Variants in TMPPE observed in about 807,000 individuals in gnomAD.
TMPPE encodes the protein transmembrane protein with metallophosphoesterase domain.
Under a neutral mutation model 22.6 loss-of-function variants are expected in TMPPE, and 16 were observed. The ratio of observed to expected loss-of-function variants is 0.71; its 90% confidence interval spans 0.48 to 1.08. The LOEUF (loss-of-function observed/expected upper bound fraction) is 1.08, where lower values mean the gene tolerates loss of function less well. TMPPE is among the 50% of genes least tolerant of loss of function. The probability of loss-of-function intolerance (pLI) is 0.00; values close to 1 mark genes in which losing one functional copy is unlikely to be tolerated. For synonymous variants in TMPPE, 240 were observed against 245.3 expected, an observed-to-expected ratio of 0.98 and a Z score of 0.20; for missense variants, 526 against 584.3, an observed-to-expected ratio of 0.90 and a Z score of 1.03.
In TMPPE at chr3:33,093,502, T is replaced by A; in HGVS notation, c.694A>T (p.Met232Leu). Residue 232 changes from methionine (M) to leucine (L), a missense_variant, in exon 2 of 2, where the codon ATG becomes TTG. Coordinates refer to ENST00000342462, the MANE Select transcript of TMPPE (RefSeq NM_001039770.3). This position sits in a 1 kb window ranked among gnomAD's most constrained non-coding sequence, Gnocchi z 6.0. Reference protein sequence around the residue: ...GRTKMEMFVRMVNVLEPDITV... With the variant: ...GRTKMEMFVRLVNVLEPDITV... ...ATGTCTGGTTCCAGCACATTCACCA[T>A]CCTCACAAACATTTCCATCTTGGTC... 6.2e-7 allele frequency: 1 copy of A among 1,614,186 alleles called. No individual in the cohort carries two copies. The highest frequency in any genetic ancestry group is 1.1e-5 in the South Asian group (1 of 91,082).
In TMPPE at chr3:33,091,826, C is replaced by G; in HGVS notation, c.*1008G>C. 1 of 985,440 alleles carries G rather than the reference C, an allele frequency of 1.0e-6. No homozygotes were observed. Among genetic ancestry groups the G allele is most frequent in the Non-Finnish European group, 1.2e-6 (1 of 829,998 alleles). 61.0% of individuals were successfully genotyped at this position (985,440 alleles called of 1,614,324 possible). ...TCACCCAGCAGGAAACCAGCCCAGC[C>G]CTGTCTTCTCAGTGAGGCCTTTTCT... On this transcript the variant is annotated 3_prime_UTR_variant, in exon 2 of 2. Transcript: ENST00000342462.
In TMPPE at chr3:33,094,100, T is replaced by C. The variant is rs61749982; in HGVS notation, c.96A>G (p.Ala32=). Residue 32 remains alanine, a synonymous_variant, in exon 2 of 2, where the codon GCA becomes GCG. Coordinates refer to ENST00000342462, the MANE Select transcript of TMPPE (RefSeq NM_001039770.3). ...VSMIASRSYL[A]ESLELRAWRW... ...GCCAGGCCCTGAGCTCAAGGCTCTCTGCCAGATACGAGCGGGAGGCGATCA... is the reference window on the plus strand; with the variant it reads ...GCCAGGCCCTGAGCTCAAGGCTCTCCGCCAGATACGAGCGGGAGGCGATCA... The C allele has an allele frequency of 0.037, 59,109 of 1,614,248 alleles. 1,237 individuals carry two copies. Among genetic ancestry groups the C allele is most frequent in the Non-Finnish European group, 0.043 (50,603 of 1,180,042 alleles).
In TMPPE at chr3:33,091,630, G is replaced by A. The variant is rs375997439; in HGVS notation, c.*1204C>T. 4.1e-6 allele frequency: 4 copies of A among 984,310 alleles called. No individual in the cohort carries two copies. The highest frequency in any genetic ancestry group is 2.4e-6 in the Non-Finnish European group (2 of 828,896). 61.0% of individuals were successfully genotyped at this position (984,310 alleles called of 1,614,324 possible). A position where few individuals can be genotyped will look rare whatever the true frequency, so the allele number is the denominator to read the frequency against. ...GGATCCCTCCTGACAAAACAATCTT[G>A]AGGTAGATACGATAATTATCCCCAT... On this transcript the variant is annotated 3_prime_UTR_variant, in exon 2 of 2. Coordinates refer to ENST00000342462, the MANE Select transcript of TMPPE (RefSeq NM_001039770.3).
intron 1 of TMPPE, 117 bp from the exon 2 acceptor site, chr3:33,094,420 C>G: frequency 2.5e-6 from 3 of 1,206,362 alleles, no homozygotes; most frequent in Non-Finnish European, 3.2e-6. Context: ...TACTCAAATA[C>G]CAGTCAGTTG....
chr3:33,091,417 C>T lies in TMPPE; in HGVS notation c.*1417G>A. ...ACCCCTAGCAGTTGCTGCTTTGACA[C>T]ATCACCTGCCCCAGCAGCAGGCAGC... is the stretch of plus-strand genomic sequence containing the variant. On this transcript the variant is annotated 3_prime_UTR_variant, in exon 2 of 2. Coordinates refer to ENST00000342462, the MANE Select transcript of TMPPE (RefSeq NM_001039770.3). 2.0e-6 allele frequency: 2 copies of T among 985,550 alleles called. No individual in the cohort carries two copies. The highest frequency in any genetic ancestry group is 2.4e-6 in the Non-Finnish European group (2 of 830,012). 61.1% of individuals were successfully genotyped at this position (985,550 alleles called of 1,614,324 possible).
In TMPPE at chr3:33,093,019, G is replaced by C. The variant is rs965809511; in HGVS notation, c.1177C>G (p.His393Asp). The C allele has an allele frequency of 1.2e-5, 20 of 1,614,260 alleles. No homozygotes were observed. Among genetic ancestry groups the C allele is most frequent in the Non-Finnish European group, 1.7e-5 (20 of 1,180,044 alleles). The change falls in exon 2 of 2, where the codon CAT (histidine) becomes GAT (aspartate). Residue 393 changes from histidine to aspartate, a missense_variant. Coordinates refer to ENST00000342462, the MANE Select transcript of TMPPE (RefSeq NM_001039770.3). This position sits in a 1 kb window ranked among gnomAD's most constrained non-coding sequence, Gnocchi z 6.0. The stretch of plus-strand genomic sequence containing the variant: ...TTCAAGGGGAAGATCTGCCCAGCAT[G>C]TGTGTGCCCAGAAAGGATCAGGTTA... ...DINLILSGHT[H>D]AGQIFPLNVA...
rs1700783339 is a variant in TMPPE at position 33,091,993 on chromosome 3, C to G, written c.*841G>C. ...CATATCTTGTCATACTGCCTGTGCC[C>G]TATCTCTCTTTGCCTTGGTTTCCTT... On this transcript the variant is annotated 3_prime_UTR_variant, in exon 2 of 2. Transcript: ENST00000342462. 1.0e-6 allele frequency: 1 copy of G among 983,824 alleles called. No homozygotes were observed. The highest frequency in any genetic ancestry group is 6.2e-5 in the Admixed American group (1 of 16,252). The allele number at this position is 983,824 out of a possible 1,614,324, so 60.9% of individuals were successfully genotyped here. A position where few individuals can be genotyped will look rare whatever the true frequency, so the allele number is the denominator to read the frequency against.
Position 33,092,481 on chromosome 3 carries a change from T to G in TMPPE, c.*353A>C. 1 of 1,051,778 alleles carries G rather than the reference T, an allele frequency of 9.5e-7. No individual in the cohort carries two copies. Among genetic ancestry groups the G allele is most frequent in the South Asian group, 4.1e-5 (1 of 24,128 alleles). The allele number at this position is 1,051,778 out of a possible 1,614,324, so 65.2% of individuals were successfully genotyped here. ...TGCTCCTGCTCCTCCCCGCCCCACCTTCTAGAGGTATGCCTTTCTAGCAAC... is the reference window on the plus strand; with the variant it reads ...TGCTCCTGCTCCTCCCCGCCCCACCGTCTAGAGGTATGCCTTTCTAGCAAC... On this transcript the variant is annotated 3_prime_UTR_variant, in exon 2 of 2. Coordinates refer to ENST00000342462, the MANE Select transcript of TMPPE (RefSeq NM_001039770.3).
intron 1 of TMPPE, among the ~76,000 whole-genome samples, chr3:33,094,993 C>T (rs909326953): frequency 4.6e-5 from 7 of 152,056 alleles, no homozygotes; most frequent in African/African-American, 1.7e-4. Flanking sequence ...GGCAGATTAC[C>T]TGAGGTCAGG....
In TMPPE at chr3:33,097,041, C is replaced by A; in HGVS notation, c.-431G>T. 1 of 1,612,422 alleles carries A rather than the reference C, an allele frequency of 6.2e-7. No homozygotes were observed. The highest frequency in any genetic ancestry group is 8.5e-7 in the Non-Finnish European group (1 of 1,179,042). On this transcript the variant is annotated 5_prime_UTR_variant, in exon 1 of 2. Coordinates refer to ENST00000342462, the MANE Select transcript of TMPPE (RefSeq NM_001039770.3). ...AGCCGCGCGTAGGGCCCAGAAGCAG[C>A]AGAACCAGCAACAGAGGGAGGATGC...
Position 33,097,141 on chromosome 3 carries a change from TTGAC to T in TMPPE, c.-535_-532del. ...GCCCAGGCCGGCCGCTTCGCGTCACTTGACTAAGGACCCACGGCCTGGCACCGCC... is the reference window on the plus strand; with the variant it reads ...GCCCAGGCCGGCCGCTTCGCGTCACTTAAGGACCCACGGCCTGGCACCGCC... On this transcript the variant is annotated 5_prime_UTR_variant, in exon 1 of 2. Coordinates refer to ENST00000342462, the MANE Select transcript of TMPPE (RefSeq NM_001039770.3). 1.3e-6 allele frequency: 2 copies of T among 1,598,662 alleles called. No individual in the cohort carries two copies. Among genetic ancestry groups the T allele is most frequent in the Non-Finnish European group, 1.7e-6 (2 of 1,171,890 alleles).
At chr3:33,096,667 G>A (rs1023527233) in intron 1 of TMPPE, 52 bp downstream of exon 1, 19 of 1,128,864 alleles carry the variant, frequency 1.7e-5, no homozygotes, top group Non-Finnish European at 2.0e-5. Flanking sequence ...TCTAACCCGC[G>A]CAACTTGGAA....
chr3:33,092,449 AG>A lies in TMPPE; in HGVS notation c.*384del. On this transcript the variant is annotated 3_prime_UTR_variant, in exon 2 of 2. Coordinates refer to ENST00000342462, the MANE Select transcript of TMPPE (RefSeq NM_001039770.3). ...CTAAAGACAATTTTAAAACACCAGG[AG>A]AAAAATGCTCCTGCTCCTCCCCGCC... is the stretch of plus-strand genomic sequence containing the variant. The A allele has an allele frequency of 9.9e-7, 1 of 1,009,936 alleles. No individual in the cohort carries two copies. The highest frequency in any genetic ancestry group is 1.2e-6 in the Non-Finnish European group (1 of 845,746). 62.6% of individuals were successfully genotyped at this position (1,009,936 alleles called of 1,614,324 possible).
At position 33,092,867 on chromosome 3, in the gene TMPPE, C is replaced by T. The variant is rs749069967; in HGVS notation, c.1329G>A (p.Glu443=). 3.1e-6 allele frequency: 5 copies of T among 1,611,332 alleles called. No homozygotes were observed. The Admixed American group carries it at 6.7e-5, about 22-fold the overall frequency. ...ACCGCTGCAGGATGAGCTCTGTGAT[C>T]TCGGCCCTGCTACCCAGCCTCATGG... The part of the protein sequence containing the change: ...GIPMRLGSRA[E]ITELILQRSP Residue 443 remains glutamate, a synonymous_variant, in exon 2 of 2, where the codon GAG becomes GAA. Coordinates refer to ENST00000342462, the MANE Select transcript of TMPPE (RefSeq NM_001039770.3).
rs1701058395 is a variant in TMPPE, at chr3:33,096,968, T to A, written c.-358A>T. 1 of 1,603,192 alleles carries A rather than the reference T, an allele frequency of 6.2e-7. No individual in the cohort carries two copies. Among genetic ancestry groups the A allele is most frequent in the Admixed American group, 1.7e-5 (1 of 58,556 alleles). On this transcript the variant is annotated 5_prime_UTR_variant, in exon 1 of 2. Transcript: ENST00000342462. ...CCCAGCCCGGTTCCCCGCCAGCCTGTCCCCTAGCAATGCCTCCCCGTACCC... is the reference window on the plus strand; with the variant it reads ...CCCAGCCCGGTTCCCCGCCAGCCTGACCCCTAGCAATGCCTCCCCGTACCC...
At position 33,097,017 on chromosome 3, in the gene TMPPE, G is replaced by A. The variant is rs780964758; in HGVS notation, c.-407C>T. ...CCGGGTCCCGCAGACTTACGCGCAA[G>A]CCGCGCGTAGGGCCCAGAAGCAGCA... On this transcript the variant is annotated 5_prime_UTR_variant, in exon 1 of 2. Transcript: ENST00000342462. The A allele has an allele frequency of 5.0e-6, 8 of 1,612,080 alleles. No homozygotes were observed. The highest frequency in any genetic ancestry group is 5.9e-6 in the Non-Finnish European group (7 of 1,178,936).
Position 33,091,892 on chromosome 3 carries a change from T to C in TMPPE, c.*942A>G, listed in dbSNP as rs753605646. 40 of 985,470 alleles carry C rather than the reference T, an allele frequency of 4.1e-5. 1 individual carries two copies. The highest frequency in any genetic ancestry group is 2.9e-5 in the Non-Finnish European group (24 of 829,942). The allele number at this position is 985,470 out of a possible 1,614,324, so 61.0% of individuals were successfully genotyped here. A position where few individuals can be genotyped will look rare whatever the true frequency, so the allele number is the denominator to read the frequency against. ...CTCCATCTCAGGATCAAAGGATCTA[T>C]TGCTTCTGGCAAAAGGGCAAAAGCA... On this transcript the variant is annotated 3_prime_UTR_variant, in exon 2 of 2. Coordinates refer to ENST00000342462, the MANE Select transcript of TMPPE (RefSeq NM_001039770.3).
At position 33,090,645 on chromosome 3, in the gene TMPPE, T is replaced by C. The variant is rs1485899252; in HGVS notation, c.*2189A>G. Reference sequence around the variant, plus strand: ...CAAAAAGGTCCATGGTTTAAGAATGTTGAACAAAGGGACTAAAGGTGTCAT... The same window carrying C: ...CAAAAAGGTCCATGGTTTAAGAATGCTGAACAAAGGGACTAAAGGTGTCAT... On this transcript the variant is annotated 3_prime_UTR_variant, in exon 2 of 2. Coordinates refer to ENST00000342462, the MANE Select transcript of TMPPE (RefSeq NM_001039770.3). 7.1e-6 allele frequency: 7 copies of C among 985,288 alleles called. No individual in the cohort carries two copies. The highest frequency in any genetic ancestry group is 1.7e-5 in the African/African-American group (1 of 57,218). The allele number at this position is 985,288 out of a possible 1,614,324, so 61.0% of individuals were successfully genotyped here.
intron 1 of TMPPE, 100 bp downstream of exon 1, chr3:33,096,619 G>A: frequency 1.5e-5 from 16 of 1,065,134 alleles, no homozygotes; most frequent in Non-Finnish European, 1.8e-5. Context: ...CACCAACTGG[G>A]AAAGCGAGGG....
Sources: gnomAD v4.1 joint callset for allele counts (sites outside exome capture counted in the v4.1 genomes callset) on GRCh38, gnomAD v4.1.1 for gene constraint, Gnocchi (gnomAD v3.1) non-coding constraint, MANE v1.5 for transcripts, NCBI Gene and HGNC (gene_info 2026-07-23, HGNC 2026-07-21) for gene names.